The following CSMD1 variants were observed in gnomAD, a reference collection of about 807,000 sequenced individuals.
CSMD1 encodes CUB and sushi domain-containing protein 1.
CSMD1 carries 213 observed loss-of-function variants against 417.5 expected under a neutral mutation model. The observed-to-expected ratio is 0.51, with a 90% CI of 0.46 to 0.57. The LOEUF is 0.57. Ranked by LOEUF, CSMD1 falls within the 20% of genes least tolerant of loss-of-function variation. CSMD1 has a pLI of 0.00. For synonymous variants in CSMD1, 2,862 were observed against 1,736.8 expected (o/e 1.65, Z -16.11); for missense variants, 6,923 against 4,529.7 (o/e 1.53, Z -15.17).
At chr8:4,404,471 T>C (rs1804872222) in intron 3 of CSMD1, among the ~76,000 whole-genome samples, 2 of 152,152 alleles carry the variant, frequency 1.3e-5, no homozygotes, top group Admixed American at 1.3e-4. Flanking sequence ...AGCCAAACTA[T>C]GTTTGAGGCA....
chr8:4,822,643 C>G (rs1324305411), intron 1 of CSMD1, among the ~76,000 whole-genome samples: 1 of 152,002 alleles, frequency 6.6e-6, no homozygotes, highest in Non-Finnish European at 1.5e-5. Context: ...AAAAAAGATA[C>G]TTGAGATACT....
chr8:3,457,997 T>A (rs1816264721), intron 12 of CSMD1, among the ~76,000 whole-genome samples: 1 of 152,214 alleles, frequency 6.6e-6, no homozygotes, highest in South Asian at 2.1e-4. Context: ...TTTCACAAGC[T>A]CTTTCATAAT....
intron 5 of CSMD1, among the ~76,000 whole-genome samples, chr8:3,839,350 TATA>T (rs1344923192): frequency 1.1e-4 from 13 of 120,950 alleles, no homozygotes; most frequent in South Asian, 4.6e-4. Context: ...AATTAGAATA[TATA>T]ATATTAATAT....
At chr8:4,586,864 A>C (rs4875363) in intron 2 of CSMD1, among the ~76,000 whole-genome samples, 56,120 of 152,038 alleles carry the variant, frequency 0.37, 11,866 homozygotes, top group South Asian at 0.5. Flanking sequence ...AACTTTTTCT[A>C]TCCAGTATCT....
intron 1 of CSMD1, among the ~76,000 whole-genome samples, chr8:4,876,552 T>C (rs1803053500): frequency 6.6e-6 from 1 of 152,144 alleles, no homozygotes; most frequent in Non-Finnish European, 1.5e-5. Context: ...CAATGCTTTC[T>C]CAATTTTCAC....
intron 5 of CSMD1, among the ~76,000 whole-genome samples, chr8:3,953,099 A>C (rs2740857): frequency 0.14 from 21,634 of 152,136 alleles, 1,657 homozygotes; most frequent in Middle Eastern, 0.17. Context: ...AGAAAATCAA[A>C]AGCTTTCTCT....
At chr8:4,463,179 T>A (rs1296731305) in intron 2 of CSMD1, among the ~76,000 whole-genome samples, 1 of 152,134 alleles carries the variant, frequency 6.6e-6, no homozygotes, top group African/African-American at 2.4e-5. Flanking sequence ...AAGAAGCCCG[T>A]ATAAAAATTC....
intron 1 of CSMD1, among the ~76,000 whole-genome samples, chr8:4,841,380 G>A (rs1043793027): frequency 2.4e-4 from 36 of 152,262 alleles, no homozygotes; most frequent in African/African-American, 8.7e-4. Context: ...CTTCTTGAAG[G>A]CAGGGACCAC....
chr8:4,382,604 A>T (rs921180036), intron 3 of CSMD1, among the ~76,000 whole-genome samples: 27 of 152,246 alleles, frequency 1.8e-4, no homozygotes, highest in Non-Finnish European at 1.5e-5. Flanking sequence ...GTATCCATTA[A>T]ATCTTAAAGG....
chr8:4,052,816 A>G (rs928714293), intron 3 of CSMD1, among the ~76,000 whole-genome samples: 4 of 152,172 alleles, frequency 2.6e-5, no homozygotes, highest in Non-Finnish European at 5.9e-5. Flanking sequence ...CTAACTGTGC[A>G]GATTTGGGGC....
chr8:4,644,122 C>A (rs1335160146), intron 1 of CSMD1, among the ~76,000 whole-genome samples: 1 of 152,310 alleles, frequency 6.6e-6, no homozygotes, highest in Admixed American at 6.5e-5. Context: ...TGAGCAAGGC[C>A]TTGAAGGGAG....
chr8:2,948,500 A>G (rs1802405172), intron 68 of CSMD1, among the ~76,000 whole-genome samples: 1 of 152,170 alleles, frequency 6.6e-6, no homozygotes, highest in Non-Finnish European at 1.5e-5. Context: ...TTTCTCATTT[A>G]TAAGTCAAAC....
At chr8:2,984,552 T>C (rs1349218411) in intron 54 of CSMD1, among the ~76,000 whole-genome samples, 8 of 152,174 alleles carry the variant, frequency 5.3e-5, no homozygotes, top group African/African-American at 2.4e-5. Flanking sequence ...TTTCACCATA[T>C]TGGTCAGGCT....
intron 41 of CSMD1, among the ~76,000 whole-genome samples, chr8:3,138,277 C>T (rs1179293897): frequency 1.3e-5 from 2 of 152,170 alleles, no homozygotes; most frequent in Non-Finnish European, 2.9e-5. Flanking sequence ...AAGGCAGCTT[C>T]CTTCTGGTTC....
At chr8:3,796,005 T>TACAG (rs1192925423) in intron 5 of CSMD1, among the ~76,000 whole-genome samples, 2 of 61,862 alleles carry the variant, frequency 3.2e-5, no homozygotes, top group African/African-American at 5.3e-5. Flanking sequence ...ATCTATCATG[T>TACAG]ATATAGATAT....
intron 3 of CSMD1, among the ~76,000 whole-genome samples, chr8:4,270,138 G>A (rs894806003): frequency 1.4e-4 from 21 of 152,158 alleles, no homozygotes; most frequent in African/African-American, 5.1e-4. Context: ...TGATAGGGAG[G>A]CTGGAATGTG....
intron 38 of CSMD1, among the ~76,000 whole-genome samples, chr8:3,158,639 G>GA (rs148534474): frequency 0.064 from 9,346 of 145,470 alleles, 390 homozygotes; most frequent in Middle Eastern, 0.12. Flanking sequence ...CTTTCTCAAT[G>GA]AAAAAAAAAA....
chr8:4,644,230 G>C lies in CSMD1; in HGVS notation c.86-6672C>G, dbSNP rs929505106. Among the ~76,000 whole-genome samples the C allele has an allele frequency of 3.9e-5, 6 of 152,192 alleles. No homozygotes were observed. In the East Asian group the frequency reaches 1.2e-3, roughly 30 times the overall value. On this transcript the variant is annotated intron_variant, in intron 1 of 69. Coordinates refer to ENST00000635120, the MANE Select transcript of CSMD1 (RefSeq NM_033225.6). ...TCAGTGTCACTTCTTTCCCTTCCTT[G>C]AACACACCACGCTTGTTCCCACCCC...
At chr8:3,036,609 GA>G (rs1810689983) in intron 50 of CSMD1, among the ~76,000 whole-genome samples, 1 of 152,122 alleles carries the variant, frequency 6.6e-6, no homozygotes, top group Non-Finnish European at 1.5e-5. Context: ...GGACACGCGA[GA>G]GAAAAACTGG....
Sources: gnomAD v4.1 joint callset for allele counts (sites outside exome capture counted in the v4.1 genomes callset) on GRCh38, gnomAD v4.1.1 for gene constraint, MANE v1.5 for transcripts, NCBI Gene and HGNC (gene_info 2026-07-23, HGNC 2026-07-21) for gene names.